The following RPS27L variants were observed in gnomAD, a reference collection of about 807,000 sequenced individuals.
RPS27L encodes the protein ribosomal protein eS27-like.
RPS27L carries 10 observed loss-of-function variants against 12.8 expected under a neutral mutation model. That is an observed-to-expected ratio of 0.78 (90% CI 0.48 to 1.33). The LOEUF is 1.33. Among genes scored for constraint, RPS27L ranks in the 40% most tolerant of loss-of-function variants. The pLI is 0.00. For synonymous variants in RPS27L, 26 were observed against 32.3 expected, an observed-to-expected ratio of 0.81 and a Z score of 0.66; for missense variants, 81 against 97.4, an observed-to-expected ratio of 0.83 and a Z score of 0.71.
chr15:63,149,756 T>C lies in RPS27L; in HGVS notation c.*4276A>G, dbSNP rs975222887. ...GAATATGTTACCTTACATAGCAAAA[T>C]GGATTTTGCAGATGTCATTAAGAAT... On this transcript the variant is annotated 3_prime_UTR_variant, in exon 4 of 4. Transcript: ENST00000330964. 2 of 151,940 alleles carry C rather than the reference T, an allele frequency of 1.3e-5. No individual in the cohort carries two copies. Among genetic ancestry groups the C allele is most frequent in the African/African-American group, 4.8e-5 (2 of 41,338 alleles). 9.4% of individuals were successfully genotyped at this position (151,940 alleles called of 1,614,324 possible). A position where few individuals can be genotyped will look rare whatever the true frequency, so the allele number is the denominator to read the frequency against.
rs540929312 is a variant in RPS27L at position 63,148,341 on chromosome 15, A to T, written c.*5691T>A. 3.3e-5 allele frequency: 5 copies of T among 152,260 alleles called. No individual in the cohort carries two copies. Among genetic ancestry groups the T allele is most frequent in the African/African-American group, 1.2e-4 (5 of 41,550 alleles). The allele number at this position is 152,260 out of a possible 1,614,324, so 9.4% of individuals were successfully genotyped here. A position where few individuals can be genotyped will look rare whatever the true frequency, so the allele number is the denominator to read the frequency against. On this transcript the variant is annotated 3_prime_UTR_variant, in exon 4 of 4. Transcript: ENST00000330964. ...ATAAAAATAAATATGTTGGTATTTTAATTAGTTGGCTACAAATAAAGAAAA... is the reference window on the plus strand; with the variant it reads ...ATAAAAATAAATATGTTGGTATTTTTATTAGTTGGCTACAAATAAAGAAAA...
intron 3 of RPS27L, chr15:63,154,288 T>C: frequency 4.2e-6 from 2 of 477,504 alleles, no homozygotes; most frequent in Non-Finnish European, 7.4e-6. Flanking sequence ...TCAAATGCTA[T>C]AATGAAGTCT....
In RPS27L at chr15:63,152,075, C is replaced by T. The variant is rs1451072463; in HGVS notation, c.*1957G>A. On this transcript the variant is annotated 3_prime_UTR_variant, in exon 4 of 4. Coordinates refer to ENST00000330964, the MANE Select transcript of RPS27L (RefSeq NM_015920.4). ...TAGGCCAAGGCAGATCACCTGAGGC[C>T]AGGAGTTCCTTACAGCCTGGGCAAC... 6.6e-6 allele frequency: 1 copy of T among 152,328 alleles called. No homozygotes were observed. Among genetic ancestry groups the T allele is most frequent in the African/African-American group, 2.4e-5 (1 of 41,418 alleles). 9.4% of individuals were successfully genotyped at this position (152,328 alleles called of 1,614,324 possible).
chr15:63,154,506 C>G (rs1361862127), intron 3 of RPS27L: 1 of 153,986 alleles, frequency 6.5e-6, no homozygotes, highest in African/African-American at 2.4e-5. Context: ...ATTCCAAAAT[C>G]ATGACATGAC....
In RPS27L at chr15:63,153,997, A is replaced by G; in HGVS notation, c.*35T>C. On this transcript the variant is annotated 3_prime_UTR_variant, in exon 4 of 4. Transcript: ENST00000330964. ...TTATGATAAGGCTTTCTGTGAGACAACACAAAATTAAAATTCAGGAAGCTG... is the reference window on the plus strand; with the variant it reads ...TTATGATAAGGCTTTCTGTGAGACAGCACAAAATTAAAATTCAGGAAGCTG... 6.6e-7 allele frequency: 1 copy of G among 1,507,976 alleles called. No homozygotes were observed. Among genetic ancestry groups the G allele is most frequent in the Non-Finnish European group, 9.2e-7 (1 of 1,092,300 alleles). 93.4% of individuals were successfully genotyped at this position (1,507,976 alleles called of 1,614,324 possible). A position where few individuals can be genotyped will look rare whatever the true frequency, so the allele number is the denominator to read the frequency against.
At chr15:63,155,838 AC>A in intron 2 of RPS27L, 107 bp from the exon 3 acceptor site, 1 of 559,156 alleles carries the variant, frequency 1.8e-6, no homozygotes, top group Non-Finnish European at 2.9e-6. Flanking sequence ...GTGCTATGAA[AC>A]AGCAAGCCAC....
In RPS27L at chr15:63,150,529, A is replaced by C. The variant is rs892205481; in HGVS notation, c.*3503T>G. The stretch of plus-strand genomic sequence containing the variant: ...AGTATCTGAATCATATCTCCAGAAA[A>C]ATAAAACAGAAAGGAATTAGAGCTT... On this transcript the variant is annotated 3_prime_UTR_variant, in exon 4 of 4. Coordinates refer to ENST00000330964, the MANE Select transcript of RPS27L (RefSeq NM_015920.4). 1 of 152,262 alleles carries C rather than the reference A, an allele frequency of 6.6e-6. No homozygotes were observed. Among genetic ancestry groups the C allele is most frequent in the African/African-American group, 2.4e-5 (1 of 41,476 alleles). The allele number at this position is 152,262 out of a possible 1,614,324, so 9.4% of individuals were successfully genotyped here. A position where few individuals can be genotyped will look rare whatever the true frequency, so the allele number is the denominator to read the frequency against.
At position 63,153,840 on chromosome 15, in the gene RPS27L, GAA is replaced by G. The variant is rs2037315783; in HGVS notation, c.*190_*191del. 1 of 540,662 alleles carries G rather than the reference GAA, an allele frequency of 1.8e-6. No homozygotes were observed. The highest frequency in any genetic ancestry group is 2.9e-5 in the South Asian group (1 of 34,058). 33.5% of individuals were successfully genotyped at this position (540,662 alleles called of 1,614,324 possible). On this transcript the variant is annotated 3_prime_UTR_variant, in exon 4 of 4. Coordinates refer to ENST00000330964, the MANE Select transcript of RPS27L (RefSeq NM_015920.4). ...CATACTCAAATATATTTTAAAAAAAGAAAAAGAGGGGATTTGCCCATAATCAA... is the reference window on the plus strand; with the variant it reads ...CATACTCAAATATATTTTAAAAAAAGAAAGAGGGGATTTGCCCATAATCAA...
chr15:63,155,725 T>A lies in RPS27L; in HGVS notation c.122A>T (p.Tyr41Phe). ...ATGGCTGAAAACCGTGGTGATCTTG[T>A]AGCAACCTAAAAAAAAAAAAAGGCA... The part of the protein sequence containing the change: ...YFMDVKCPGC[Y>F]KITTVFSHAQ... Residue 41 changes from tyrosine to phenylalanine, a missense_variant, in exon 3 of 4, where the codon TAC (tyrosine) becomes TTC (phenylalanine). Transcript: ENST00000330964. 1.4e-6 allele frequency: 2 copies of A among 1,472,278 alleles called. No individual in the cohort carries two copies. The highest frequency in any genetic ancestry group is 2.7e-5 in the South Asian group (2 of 72,802). The allele number at this position is 1,472,278 out of a possible 1,614,324, so 91.2% of individuals were successfully genotyped here.
chr15:63,155,757 AAAATGAAAAGCAGAGG>A, intron 2 of RPS27L, 26 bp from the exon 3 acceptor site: 2 of 1,368,594 alleles, frequency 1.5e-6, no homozygotes, highest in Non-Finnish European at 2.0e-6. Context: ...GGCAATGTTA[AAAATGAAAAGCAGAGG>A]AAAACAGCAC....
At position 63,156,458 on chromosome 15, in the gene RPS27L, G is replaced by A; in HGVS notation, c.70C>T (p.Leu24=). The A allele has an allele frequency of 6.2e-7, 1 of 1,606,008 alleles. No individual in the cohort carries two copies. The highest frequency in any genetic ancestry group is 8.5e-7 in the Non-Finnish European group (1 of 1,176,592). ...EEKKKHKKKR[L]VQSPNSYFMD... ...AAGTAAGAATTTGGACTTTGTACTA[G>A]GCGTTTCTTTTTATGTTTTTTCTTT... Residue 24 remains leucine, a synonymous_variant, in exon 2 of 4, where the codon CTA becomes TTA. Transcript: ENST00000330964.
Position 63,156,630 on chromosome 15 carries a change from G to A in RPS27L, c.7-109C>T, listed in dbSNP as rs1355529601. 8.4e-6 allele frequency: 6 copies of A among 718,212 alleles called. No homozygotes were observed. In the East Asian group the frequency reaches 1.5e-4, roughly 18 times the overall value. 44.5% of individuals were successfully genotyped at this position (718,212 alleles called of 1,614,324 possible). A position where few individuals can be genotyped will look rare whatever the true frequency, so the allele number is the denominator to read the frequency against. On this transcript the variant is annotated intron_variant, in intron 1 of 3. Transcript: ENST00000330964. ...ACAGGAATAACGGTCATCCTCGGCA[G>A]AAGCAACACGTCAGATAGTAAAGTT...
chr15:63,150,575 C>T lies in RPS27L; in HGVS notation c.*3457G>A, dbSNP rs969430440. ...AGCTTTATCAGATGACTTACAGGAACGACCAGACACAAAACCATTTGTCAT... is the reference window on the plus strand; with the variant it reads ...AGCTTTATCAGATGACTTACAGGAATGACCAGACACAAAACCATTTGTCAT... On this transcript the variant is annotated 3_prime_UTR_variant, in exon 4 of 4. Coordinates refer to ENST00000330964, the MANE Select transcript of RPS27L (RefSeq NM_015920.4). The T allele has an allele frequency of 4.6e-5, 7 of 152,180 alleles. No homozygotes were observed. Among genetic ancestry groups the T allele is most frequent in the African/African-American group, 1.2e-4 (5 of 41,436 alleles). 9.4% of individuals were successfully genotyped at this position (152,180 alleles called of 1,614,324 possible). A position where few individuals can be genotyped will look rare whatever the true frequency, so the allele number is the denominator to read the frequency against.
chr15:63,157,177 G>A, intron 1 of RPS27L: 1 of 602,900 alleles, frequency 1.7e-6, no homozygotes, highest in Non-Finnish European at 3.0e-6. Context: ...TCCCCTCCCA[G>A]CCACCGCCTC....
rs1264977992 is a variant in RPS27L, at chr15:63,149,932, G to C, written c.*4100C>G. 2.0e-5 allele frequency: 3 copies of C among 152,200 alleles called. No homozygotes were observed. Among genetic ancestry groups the C allele is most frequent in the Non-Finnish European group, 4.4e-5 (3 of 68,172 alleles). The allele number at this position is 152,200 out of a possible 1,614,324, so 9.4% of individuals were successfully genotyped here. A position where few individuals can be genotyped will look rare whatever the true frequency, so the allele number is the denominator to read the frequency against. On this transcript the variant is annotated 3_prime_UTR_variant, in exon 4 of 4. Coordinates refer to ENST00000330964, the MANE Select transcript of RPS27L (RefSeq NM_015920.4). ...TACAAAAAATACAAAAAATTAGCGG[G>C]GTGTGGTGGCACGTGCCTGTAGTTC...
In RPS27L at chr15:63,153,315, C is replaced by T. The variant is rs1025248335; in HGVS notation, c.*717G>A. 2 of 152,164 alleles carry T rather than the reference C, an allele frequency of 1.3e-5. No individual in the cohort carries two copies. The highest frequency in any genetic ancestry group is 4.8e-5 in the African/African-American group (2 of 41,452). The allele number at this position is 152,164 out of a possible 1,614,324, so 9.4% of individuals were successfully genotyped here. A position where few individuals can be genotyped will look rare whatever the true frequency, so the allele number is the denominator to read the frequency against. On this transcript the variant is annotated 3_prime_UTR_variant, in exon 4 of 4. Coordinates refer to ENST00000330964, the MANE Select transcript of RPS27L (RefSeq NM_015920.4). Reference sequence around the variant, plus strand: ...AGTAGTATAGCAAGGCCACATAAATCCAAGGCATTACACTGTGATCAATAT... The same window carrying T: ...AGTAGTATAGCAAGGCCACATAAATTCAAGGCATTACACTGTGATCAATAT...
At chr15:63,155,301 A>G in intron 3 of RPS27L, 1 of 228,700 alleles carries the variant, frequency 4.4e-6, no homozygotes, top group Non-Finnish European at 8.0e-6. Flanking sequence ...AAAAAAAATA[A>G]TAAATAAATA....
rs2037283428 is a variant in RPS27L at position 63,149,062 on chromosome 15, T to G, written c.*4970A>C. On this transcript the variant is annotated 3_prime_UTR_variant, in exon 4 of 4. Coordinates refer to ENST00000330964, the MANE Select transcript of RPS27L (RefSeq NM_015920.4). Reference sequence around the variant, plus strand: ...TTAGCAGAGACGCGGTTTCATCATGTTGGCCAGGATGGTCTCAATCTCGAC... The same window carrying G: ...TTAGCAGAGACGCGGTTTCATCATGGTGGCCAGGATGGTCTCAATCTCGAC... The G allele has an allele frequency of 6.6e-6, 1 of 151,986 alleles. No homozygotes were observed. The highest frequency in any genetic ancestry group is 1.5e-5 in the Non-Finnish European group (1 of 68,030). The allele number at this position is 151,986 out of a possible 1,614,324, so 9.4% of individuals were successfully genotyped here. A position where few individuals can be genotyped will look rare whatever the true frequency, so the allele number is the denominator to read the frequency against.
intron 2 of RPS27L, 106 bp downstream of exon 2, chr15:63,156,307 C>T: frequency 5.0e-6 from 3 of 601,558 alleles, no homozygotes; most frequent in East Asian, 2.9e-5. Context: ...TCTGTAATCC[C>T]ACTTCTACTC....
Sources: gnomAD v4.1 joint callset for allele counts on GRCh38, gnomAD v4.1.1 for gene constraint, MANE v1.5 for transcripts, NCBI Gene and HGNC (gene_info 2026-07-23, HGNC 2026-07-21) for gene names.